Variants in MAP3K20 observed in about 807,000 individuals in gnomAD.
MAP3K20 encodes the protein HCCS-4.
Under a neutral mutation model 85.7 loss-of-function variants are expected in MAP3K20, and 40 were observed. The ratio of observed to expected loss-of-function variants is 0.47; its 90% confidence interval spans 0.36 to 0.61. The LOEUF (loss-of-function observed/expected upper bound fraction) is 0.61, where lower values mean the gene tolerates loss of function less well. Ranked by LOEUF, MAP3K20 falls within the 20% of genes least tolerant of loss-of-function variation. MAP3K20 has a pLI of 0.00. For missense variants in MAP3K20, 817 were observed against 961.7 expected (o/e 0.85, Z 1.99); for synonymous variants, 325 against 327.7 (o/e 0.99, Z 0.09).
Position 173,232,226 on chromosome 2 carries a change from A to G in MAP3K20, c.1063+4A>G, listed in dbSNP as rs1286014989. 1 of 1,614,104 alleles carries G rather than the reference A, an allele frequency of 6.2e-7. No homozygotes were observed. The highest frequency in any genetic ancestry group is 1.7e-5 in the Admixed American group (1 of 60,010). ...GTTCAGCAGCTCGTCAGAAAAGGCA[A>G]GTGGAATAAGTTACCTTCTTCAATC... On this transcript the variant is annotated splice_donor_region_variant and intron_variant, in intron 13 of 19. Coordinates refer to ENST00000375213, the MANE Select transcript of MAP3K20 (RefSeq NM_016653.3).
At chr2:173,085,909 C>T (rs559770232) in intron 1 of MAP3K20, among the ~76,000 whole-genome samples, 15 of 146,442 alleles carry the variant, frequency 1.0e-4, no homozygotes, top group African/African-American at 3.8e-4. Context: ...AATTCTCCTG[C>T]CTCAACCTCC....
At chr2:173,115,462 AT>A (rs979007675) in intron 2 of MAP3K20, among the ~76,000 whole-genome samples, 6 of 151,872 alleles carry the variant, frequency 4.0e-5, no homozygotes, top group Non-Finnish European at 8.8e-5. Context: ...GGCTAGTGTG[AT>A]TTTTTTGGGG....
chr2:173,149,442 G>A (rs1689233193), intron 2 of MAP3K20, among the ~76,000 whole-genome samples: 1 of 151,738 alleles, frequency 6.6e-6, no homozygotes, highest in Non-Finnish European at 1.5e-5. Context: ...AATGGGTGAG[G>A]GGTATATGGG....
At chr2:173,169,552 T>TA (rs150873750) in intron 2 of MAP3K20, among the ~76,000 whole-genome samples, 3,202 of 143,626 alleles carry the variant, frequency 0.022, 111 homozygotes, top group East Asian at 0.18. Context: ...CCCCATCTCT[T>TA]AAAAAAAAAA....
In MAP3K20 at chr2:173,201,858, C is replaced by A. The variant is rs142870206; in HGVS notation, c.670-1938C>A. ...AGATTTAACTGATATTTGGCCATGT[C>A]AGATTATTTAAAATAATTGTGTTTC... On this transcript the variant is annotated intron_variant, in intron 8 of 19. Transcript: ENST00000375213. Among the ~76,000 whole-genome samples the A allele has an allele frequency of 4.3e-3, 655 of 152,224 alleles. 4 individuals carry two copies. Among genetic ancestry groups the A allele is most frequent in the Middle Eastern group, 6.8e-3 (2 of 292 alleles).
At chr2:173,194,976 G>A (rs575108127) in intron 7 of MAP3K20, among the ~76,000 whole-genome samples, 4 of 152,056 alleles carry the variant, frequency 2.6e-5, no homozygotes, top group Non-Finnish European at 5.9e-5. Flanking sequence ...GCCAGAAGTG[G>A]ATTTTATGAT....
At chr2:173,137,731 A>G (rs1688837270) in intron 2 of MAP3K20, among the ~76,000 whole-genome samples, 1 of 152,182 alleles carries the variant, frequency 6.6e-6, no homozygotes, top group Admixed American at 6.5e-5. Context: ...TTTTATTTTT[A>G]CAGTTTTTAA....
rs552587430 is a variant in MAP3K20, at chr2:173,244,259, A to G, written c.1359+4763A>G. Among the ~76,000 whole-genome samples, 44 of 152,356 alleles carry G rather than the reference A, an allele frequency of 2.9e-4. No individual in the cohort carries two copies. In the South Asian group the frequency reaches 8.9e-3, roughly 31 times the overall value. On this transcript the variant is annotated intron_variant, in intron 16 of 19. Transcript: ENST00000375213. Reference sequence around the variant, plus strand: ...TATCATGCTAAGGTGCTAAAAGTATAAAGAAGTGACTGGAATGGGTGAGGT... The same window carrying G: ...TATCATGCTAAGGTGCTAAAAGTATGAAGAAGTGACTGGAATGGGTGAGGT...
chr2:173,242,575 A>G (rs1684813409), intron 16 of MAP3K20, among the ~76,000 whole-genome samples: 1 of 152,068 alleles, frequency 6.6e-6, no homozygotes, highest in East Asian at 1.9e-4. Context: ...GAAACTGAAT[A>G]CAATGGTCTG....
chr2:173,171,415 A>G (rs1193475381), intron 3 of MAP3K20, among the ~76,000 whole-genome samples: 1 of 152,128 alleles, frequency 6.6e-6, no homozygotes, highest in Non-Finnish European at 1.5e-5. Context: ...TTGATGTTTA[A>G]TGCTTTTTGA....
chr2:173,202,618 C>G (rs1380832558), intron 8 of MAP3K20, among the ~76,000 whole-genome samples: 6 of 152,256 alleles, frequency 3.9e-5, no homozygotes, highest in African/African-American at 1.4e-4. Flanking sequence ...ACATAATGCT[C>G]TAACTGTAAT....
At chr2:173,102,402 G>A (rs941125791) in intron 2 of MAP3K20, among the ~76,000 whole-genome samples, 2 of 152,158 alleles carry the variant, frequency 1.3e-5, no homozygotes, top group Non-Finnish European at 2.9e-5. Flanking sequence ...TTTCCTGGCC[G>A]TGGTTCTTAT....
intron 1 of MAP3K20, among the ~76,000 whole-genome samples, chr2:173,083,159 G>GT (rs1266718982): frequency 1.3e-5 from 2 of 152,068 alleles, no homozygotes; most frequent in South Asian, 2.1e-4. Context: ...TGGCTATTCT[G>GT]TTTTTTGGAT....
intron 2 of MAP3K20, among the ~76,000 whole-genome samples, chr2:173,102,598 A>T (rs1270991052): frequency 2.0e-5 from 3 of 152,186 alleles, no homozygotes; most frequent in Non-Finnish European, 2.9e-5. Context: ...CTTCAAGAAA[A>T]TAATGCTTGG....
chr2:173,197,210 T>C (rs1309881276), intron 7 of MAP3K20, among the ~76,000 whole-genome samples: 1 of 152,164 alleles, frequency 6.6e-6, no homozygotes, highest in African/African-American at 2.4e-5. Flanking sequence ...TAACATAGTA[T>C]ACAAATCTCC....
At chr2:173,192,131 A>G (rs1181244758) in intron 7 of MAP3K20, among the ~76,000 whole-genome samples, 1 of 152,166 alleles carries the variant, frequency 6.6e-6, no homozygotes, top group Admixed American at 6.5e-5. Flanking sequence ...CTAAAAGGGC[A>G]TTTTCATAGT....
intron 11 of MAP3K20, 93 bp downstream of exon 11, chr2:173,217,343 C>T: frequency 7.6e-7 from 1 of 1,324,322 alleles, no homozygotes; most frequent in Non-Finnish European, 9.7e-7. Flanking sequence ...CTGCCTCCCG[C>T]CGCCCCCTCC....
intron 16 of MAP3K20, among the ~76,000 whole-genome samples, chr2:173,251,651 G>A (rs1301810228): frequency 6.6e-6 from 1 of 152,218 alleles, no homozygotes; most frequent in Non-Finnish European, 1.5e-5. Context: ...CAGGCAGCTT[G>A]TTTGGGAATA....
chr2:173,238,678 G>A (rs1684710757), intron 15 of MAP3K20, among the ~76,000 whole-genome samples: 1 of 152,124 alleles, frequency 6.6e-6, no homozygotes, highest in Non-Finnish European at 1.5e-5. Context: ...TAGTGGCTAG[G>A]AGTTGTAAGT....
Sources: gnomAD v4.1 joint callset for allele counts (sites outside exome capture counted in the v4.1 genomes callset) on GRCh38, gnomAD v4.1.1 for gene constraint, MANE v1.5 for transcripts, NCBI Gene and HGNC (gene_info 2026-07-23, HGNC 2026-07-21) for gene names.